The following LIMK2 variants were observed in gnomAD, a reference collection of about 807,000 sequenced individuals.
The protein encoded by LIMK2 is LIM domain kinase 2.
LIMK2 carries 35 observed loss-of-function variants against 75.7 expected under a neutral mutation model. That is an observed-to-expected ratio of 0.46 (90% confidence interval 0.35 to 0.61). The LOEUF (loss-of-function observed/expected upper bound fraction) is 0.61, where lower values mean the gene tolerates loss of function less well. LIMK2 is among the 20% of genes least tolerant of loss of function. The pLI, the probability that LIMK2 is intolerant of heterozygous loss-of-function variation, is 0.00. For missense variants in LIMK2, 623 were observed against 831.0 expected (o/e 0.75, Z 3.08); for synonymous variants, 301 against 319.2 (o/e 0.94, Z 0.61).
At chr22:31,216,027 G>A (rs746108677) in intron 1 of LIMK2, among the ~76,000 whole-genome samples, 3 of 152,180 alleles carry the variant, frequency 2.0e-5, no homozygotes, top group Non-Finnish European at 4.4e-5. Flanking sequence ...CTGGTGGGGA[G>A]AGATAGACAG....
At chr22:31,270,739 A>G (rs1400420251) in intron 11 of LIMK2, among the ~76,000 whole-genome samples, 1 of 152,242 alleles carries the variant, frequency 6.6e-6, no homozygotes, top group Non-Finnish European at 1.5e-5. Flanking sequence ...GAAGGATCCA[A>G]AGTGGCTCAA....
intron 3 of LIMK2, chr22:31,258,678 T>C: frequency 2.1e-6 from 1 of 485,756 alleles, no homozygotes; most frequent in Middle Eastern, 5.1e-4. Flanking sequence ...CACAATATAG[T>C]TGGATAAGGA....
At chr22:31,272,781 C>T (rs1023842507) in intron 13 of LIMK2, 77 bp downstream of exon 13, 1 of 1,498,978 alleles carries the variant, frequency 6.7e-7, no homozygotes, top group Non-Finnish European at 8.9e-7. Flanking sequence ...CCTGGGAATT[C>T]CAGGGGAGGC....
rs189973072 is a variant in LIMK2 at position 31,221,760 on chromosome 22, G to A, written c.17-3960G>A. 2.9e-3 allele frequency among the ~76,000 whole-genome samples: 442 copies of A among 152,298 alleles called. 1 individual carries two copies. Among genetic ancestry groups the A allele is most frequent in the Non-Finnish European group, 4.4e-3 (296 of 68,032 alleles). On this transcript the variant is annotated intron_variant, in intron 1 of 15. Transcript: ENST00000331728. ...AGCCTCCCAAAGTGCTGGGATTACA[G>A]GCGTGAGCCACTGCGCCCGGCCCTC...
chr22:31,269,787 A>AG (rs1466308241), intron 11 of LIMK2, among the ~76,000 whole-genome samples: 222 of 151,852 alleles, frequency 1.5e-3, no homozygotes, highest in Admixed American at 2.2e-3. Flanking sequence ...AAAAAAAAAA[A>AG]AGAGAGACTG....
In LIMK2 at chr22:31,227,833, C is replaced by G. The variant is rs553597472; in HGVS notation, c.116+2014C>G. Among the ~76,000 whole-genome samples, 10 of 152,250 alleles carry G rather than the reference C, an allele frequency of 6.6e-5. No individual in the cohort carries two copies. The East Asian group carries it at 1.2e-3, about 18-fold the overall frequency. On this transcript the variant is annotated intron_variant, in intron 2 of 15. Coordinates refer to ENST00000331728, the MANE Select transcript of LIMK2 (RefSeq NM_005569.4). ...TTAATCTTTGGAATTTCTGGATTCT[C>G]TTAGAGCTAAAAAACTTCAGAACTA...
intron 7 of LIMK2, 34 bp from the exon 8 acceptor site, chr22:31,265,912 A>G: frequency 6.2e-7 from 1 of 1,601,350 alleles, no homozygotes; most frequent in South Asian, 1.1e-5. Flanking sequence ...TCTGAGGACT[A>G]CACATCCCTA....
In LIMK2 at chr22:31,248,419, G is replaced by C; in HGVS notation, c.117-9872G>C. The C allele has an allele frequency of 2.1e-6, 3 of 1,421,480 alleles. No individual in the cohort carries two copies. The South Asian group carries it at 3.6e-5, about 17-fold the overall frequency. The allele number at this position is 1,421,480 out of a possible 1,614,324, so 88.1% of individuals were successfully genotyped here. On this transcript the variant is annotated intron_variant, in intron 2 of 15. Coordinates refer to ENST00000331728, the MANE Select transcript of LIMK2 (RefSeq NM_005569.4). Reference sequence around the variant, plus strand: ...GGCCCCTGCTCAAGAATGCCAGTGTGTGTGTAGCCTCCACAGAGAGGTCGT... The same window carrying C: ...GGCCCCTGCTCAAGAATGCCAGTGTCTGTGTAGCCTCCACAGAGAGGTCGT...
Position 31,267,767 on chromosome 22 carries a change from C to CA in LIMK2, c.1129-8dup. Reference sequence around the variant, plus strand: ...ACCACCAGCTTTCCTTGGCTTCCCCCACCCCCAGGTGAAAGTGATGCGCAG... The same window carrying CA: ...ACCACCAGCTTTCCTTGGCTTCCCCCAACCCCCAGGTGAAAGTGATGCGCAG... On this transcript the variant is annotated splice_polypyrimidine_tract_variant and intron_variant, in intron 9 of 15. Coordinates refer to ENST00000331728, the MANE Select transcript of LIMK2 (RefSeq NM_005569.4). The CA allele has an allele frequency of 6.3e-7, 1 of 1,581,128 alleles. No homozygotes were observed. The highest frequency in any genetic ancestry group is 1.2e-5 in the South Asian group (1 of 85,186).
intron 1 of LIMK2, among the ~76,000 whole-genome samples, chr22:31,216,018 T>A (rs1358334277): frequency 6.6e-6 from 1 of 152,206 alleles, no homozygotes; most frequent in Non-Finnish European, 1.5e-5. Flanking sequence ...GTGTATGTTC[T>A]GGTGGGGAGA....
intron 11 of LIMK2, 121 bp from the exon 12 acceptor site, chr22:31,271,015 G>T: frequency 2.4e-6 from 2 of 830,334 alleles, no homozygotes; most frequent in Non-Finnish European, 4.1e-6. Flanking sequence ...CTGTTGTCCA[G>T]GTTGGGTTCT....
intron 7 of LIMK2, among the ~76,000 whole-genome samples, chr22:31,264,487 A>G (rs968942489): frequency 6.6e-6 from 1 of 152,258 alleles, no homozygotes; most frequent in African/African-American, 2.4e-5. Flanking sequence ...AGTGAAAATA[A>G]CAGTCATTGA....
intron 2 of LIMK2, among the ~76,000 whole-genome samples, chr22:31,229,226 A>C (rs2048505365): frequency 6.6e-6 from 1 of 152,198 alleles, no homozygotes; most frequent in Non-Finnish European, 1.5e-5. Context: ...GCTGTGCTGA[A>C]GGAGCACATC....
chr22:31,220,906 G>A (rs2048428081), intron 1 of LIMK2, among the ~76,000 whole-genome samples: 2 of 152,210 alleles, frequency 1.3e-5, no homozygotes, highest in Non-Finnish European at 2.9e-5. Context: ...GGAGGTTGTG[G>A]TGAGCCGAGA....
chr22:31,235,068 A>G (rs910883797), intron 2 of LIMK2, among the ~76,000 whole-genome samples: 3 of 152,102 alleles, frequency 2.0e-5, no homozygotes, highest in African/African-American at 7.2e-5. Flanking sequence ...TTAATCTCAC[A>G]TTTATTCATG....
At chr22:31,269,677 G>A (rs1222972493) in intron 11 of LIMK2, among the ~76,000 whole-genome samples, 1 of 151,962 alleles carries the variant, frequency 6.6e-6, no homozygotes, top group African/African-American at 2.4e-5. Flanking sequence ...AGGAGGCCGA[G>A]GCAGGAGAAT....
At chr22:31,261,934 C>G (rs2048844377) in intron 5 of LIMK2, among the ~76,000 whole-genome samples, 200 bp from the exon 6 acceptor site, 1 of 152,208 alleles carries the variant, frequency 6.6e-6, no homozygotes, top group African/African-American at 2.4e-5. Flanking sequence ...AAGTTTCTGG[C>G]TTAGGCCACA....
intron 1 of LIMK2, among the ~76,000 whole-genome samples, chr22:31,219,539 A>C (rs2048416063): frequency 6.6e-6 from 1 of 152,080 alleles, no homozygotes; most frequent in Admixed American, 6.6e-5. Context: ...ATTTACTTAA[A>C]TCAAGCTCCT....
intron 11 of LIMK2, 116 bp from the exon 12 acceptor site, chr22:31,271,020 G>C: frequency 1.1e-6 from 1 of 869,692 alleles, no homozygotes. Flanking sequence ...GTCCAGGTTG[G>C]GTTCTGAAGC....
Sources: gnomAD v4.1 joint callset for allele counts (sites outside exome capture counted in the v4.1 genomes callset) on GRCh38, gnomAD v4.1.1 for gene constraint, MANE v1.5 for transcripts, NCBI Gene and HGNC (gene_info 2026-07-23, HGNC 2026-07-21) for gene names.